The following SMARCD3 variants were observed in gnomAD, a reference collection of about 807,000 sequenced individuals.
SMARCD3 encodes the protein SWI/SNF related BAF chromatin remodeling complex subunit D3.
A neutral mutation model predicts 58.0 loss-of-function variants in SMARCD3; 14 were observed. The ratio of observed to expected loss-of-function variants is 0.24; its 90% CI spans 0.16 to 0.38. SMARCD3 has a LOEUF of 0.38. SMARCD3 is among the 10% of genes least tolerant of loss of function. The pLI is 1.00. For missense variants in SMARCD3, 408 were observed against 636.9 expected (o/e 0.64, Z 3.87); for synonymous variants, 253 against 253.8 (o/e 1.00, Z 0.03).
intron 2 of SMARCD3, among the ~76,000 whole-genome samples, chr7:151,244,567 T>C (rs1277189649): frequency 6.6e-6 from 1 of 152,178 alleles, no homozygotes; most frequent in African/African-American, 2.4e-5. Context: ...AGGTCTGGTT[T>C]GTTTTAAACA....
chr7:151,253,940 C>G (rs1454583880), intron 2 of SMARCD3, among the ~76,000 whole-genome samples: 1 of 151,868 alleles, frequency 6.6e-6, no homozygotes, highest in South Asian at 2.1e-4. Flanking sequence ...ACCATCCTCA[C>G]TCTCCTCTCC....
In SMARCD3 at chr7:151,242,323, G is replaced by A. The variant is rs547950072; in HGVS notation, c.580-91C>T. On this transcript the variant is annotated intron_variant, in intron 5 of 12. Transcript: ENST00000262188. This position sits in a 1 kb window ranked among gnomAD's most constrained non-coding sequence, Gnocchi z 4.7. ...CAAGTTGGCAGCCGACAGGGCAGTGGGCTTAGATGAAATCCTCTGCACTTG... is the reference window on the plus strand; with the variant it reads ...CAAGTTGGCAGCCGACAGGGCAGTGAGCTTAGATGAAATCCTCTGCACTTG... 6.4e-6 allele frequency: 9 copies of A among 1,400,084 alleles called. No individual in the cohort carries two copies. The East Asian group carries it at 2.1e-4, about 32-fold the overall frequency. 86.7% of individuals were successfully genotyped at this position (1,400,084 alleles called of 1,614,324 possible). A position where few individuals can be genotyped will look rare whatever the true frequency, so the allele number is the denominator to read the frequency against.
At position 151,239,017 on chromosome 7, in the gene SMARCD3, C is replaced by G. The variant is rs771929544; in HGVS notation, c.*86G>C. ...AATCCAGCCCCACACCCCAAGGTGGCAGAGGAGTGATGCTGGAGCCCGGGG... is the reference window on the plus strand; with the variant it reads ...AATCCAGCCCCACACCCCAAGGTGGGAGAGGAGTGATGCTGGAGCCCGGGG... On this transcript the variant is annotated 3_prime_UTR_variant, in exon 13 of 13. Coordinates refer to ENST00000262188, the MANE Select transcript of SMARCD3 (RefSeq NM_001003801.2). The surrounding 1 kb of genome is among the most constrained non-coding windows in gnomAD (Gnocchi z 7.0). 6 of 1,342,558 alleles carry G rather than the reference C, an allele frequency of 4.5e-6. No homozygotes were observed. In the African/African-American group the frequency reaches 5.8e-5, roughly 13 times the overall value. 83.2% of individuals were successfully genotyped at this position (1,342,558 alleles called of 1,614,324 possible).
chr7:151,242,717 G>T lies in SMARCD3; in HGVS notation c.456+4C>A, dbSNP rs547891214. On this transcript the variant is annotated splice_donor_region_variant and intron_variant, in intron 4 of 12. Coordinates refer to ENST00000262188, the MANE Select transcript of SMARCD3 (RefSeq NM_001003801.2). The surrounding 1 kb of genome is among the most constrained non-coding windows in gnomAD (Gnocchi z 4.7). Reference sequence around the variant, plus strand: ...GTCCCCTTCCTACCCCCGAACTAAGGCACCTTCATGGGCCTCTTCAGAGCC... The same window carrying T: ...GTCCCCTTCCTACCCCCGAACTAAGTCACCTTCATGGGCCTCTTCAGAGCC... The T allele has an allele frequency of 6.2e-7, 1 of 1,613,990 alleles. No individual in the cohort carries two copies. Among genetic ancestry groups the T allele is most frequent in the South Asian group, 1.1e-5 (1 of 91,074 alleles).
intron 2 of SMARCD3, among the ~76,000 whole-genome samples, chr7:151,269,576 A>G (rs1345811008): frequency 6.6e-6 from 1 of 152,134 alleles, no homozygotes; most frequent in Non-Finnish European, 1.5e-5. Flanking sequence ...GTTGGGGCTG[A>G]CAGATATGGA....
intron 2 of SMARCD3, among the ~76,000 whole-genome samples, chr7:151,273,381 T>C (rs1419369483): frequency 6.6e-6 from 1 of 152,170 alleles, no homozygotes; most frequent in Non-Finnish European, 1.5e-5. Context: ...GGGGAGCCCC[T>C]TAGGGCCTAA....
In SMARCD3 at chr7:151,255,860, C is replaced by T. The variant is rs181675338; in HGVS notation, c.40-10189G>A. 2.3e-3 allele frequency among the ~76,000 whole-genome samples: 357 copies of T among 152,098 alleles called. 2 individuals carry two copies. The highest frequency in any genetic ancestry group is 7.8e-3 in the African/African-American group (322 of 41,502). On this transcript the variant is annotated intron_variant, in intron 2 of 13. Transcript: ENST00000356800. Reference sequence around the variant, plus strand: ...TGACGGTGACACATAACACAATTGACCATTTTAACCTCCCTTGCATGTACT... The same window carrying T: ...TGACGGTGACACATAACACAATTGATCATTTTAACCTCCCTTGCATGTACT...
In SMARCD3 at chr7:151,245,986, G is replaced by C. The variant is rs564955974; in HGVS notation, c.79-315C>G. 3.8e-5 allele frequency: 9 copies of C among 236,702 alleles called. No homozygotes were observed. Among genetic ancestry groups the C allele is most frequent in the Non-Finnish European group, 7.3e-5 (9 of 122,928 alleles). 14.7% of individuals were successfully genotyped at this position (236,702 alleles called of 1,614,324 possible). A position where few individuals can be genotyped will look rare whatever the true frequency, so the allele number is the denominator to read the frequency against. ...TAATGGCGCCTTTCAACCTTTCAAA[G>C]ATGTTCACATCCACATGCTCCTCTG... On this transcript the variant is annotated intron_variant, in intron 1 of 12. Coordinates refer to ENST00000262188, the MANE Select transcript of SMARCD3 (RefSeq NM_001003801.2). This position sits in a 1 kb window ranked among gnomAD's most constrained non-coding sequence, Gnocchi z 6.2.
intron 2 of SMARCD3, among the ~76,000 whole-genome samples, chr7:151,254,036 G>A (rs567357660): frequency 1.6e-4 from 25 of 152,286 alleles, no homozygotes; most frequent in African/African-American, 5.8e-4. Flanking sequence ...CAAGGGGATC[G>A]CATGGCCTCG....
intron 2 of SMARCD3, among the ~76,000 whole-genome samples, chr7:151,270,127 T>C (rs148269316): frequency 6.6e-6 from 1 of 152,314 alleles, no homozygotes; most frequent in East Asian, 1.9e-4. Flanking sequence ...GGTTTCTCCC[T>C]GCAACTCCAA....
In SMARCD3 at chr7:151,243,613, G is replaced by T; in HGVS notation, c.333+46C>A. 1.0e-6 allele frequency: 1 copy of T among 957,114 alleles called. No homozygotes were observed. The highest frequency in any genetic ancestry group is 1.6e-6 in the Non-Finnish European group (1 of 614,156). The allele number at this position is 957,114 out of a possible 1,614,324, so 59.3% of individuals were successfully genotyped here. A position where few individuals can be genotyped will look rare whatever the true frequency, so the allele number is the denominator to read the frequency against. ...TGAGGGGGGAGGGGAGGGCGGAGCA[G>T]CAAAGGGTGGGGGGTGGGCTGGGGG... On this transcript the variant is annotated intron_variant, in intron 3 of 12. Transcript: ENST00000262188. The surrounding 1 kb of genome is among the most constrained non-coding windows in gnomAD (Gnocchi z 4.4).
In SMARCD3 at chr7:151,242,545, G is replaced by C. The variant is rs1803048006; in HGVS notation, c.515C>G (p.Ala172Gly). 1 of 1,613,994 alleles carries C rather than the reference G, an allele frequency of 6.2e-7. No homozygotes were observed. The highest frequency in any genetic ancestry group is 8.5e-7 in the Non-Finnish European group (1 of 1,179,992). Residue 172 changes from alanine (A) to glycine (G), a missense_variant, in exon 5 of 13, where the codon GCT becomes GGT. Physicochemically the swap from Ala to Gly is moderately conservative, Grantham distance 60. Around this residue, in one of 4 missense-constraint regions of SMARCD3, gnomAD observed 128 missense variants for 188.8 expected, o/e 0.68. Coordinates refer to ENST00000262188, the MANE Select transcript of SMARCD3 (RefSeq NM_001003801.2). This position sits in a 1 kb window ranked among gnomAD's most constrained non-coding sequence, Gnocchi z 4.7. ...GGCAATGCTGCCGTCGGAATCCTCA[G>C]CATCAGGCTTCGCAGGGTTAAAAGT... is the stretch of plus-strand genomic sequence containing the variant. ...SNTFNPAKPD[A>G]EDSDGSIASW...
At chr7:151,271,317 G>T (rs894058166) in intron 2 of SMARCD3, among the ~76,000 whole-genome samples, 3 of 152,134 alleles carry the variant, frequency 2.0e-5, no homozygotes, top group African/African-American at 7.2e-5. Flanking sequence ...ATCTCCTTCT[G>T]TTCCCATGCC....
chr7:151,244,588 G>A (rs886066488), intron 2 of SMARCD3, among the ~76,000 whole-genome samples: 4 of 152,206 alleles, frequency 2.6e-5, no homozygotes, highest in East Asian at 1.9e-4. Flanking sequence ...GATTATCTAT[G>A]TGTAACTCTC....
At chr7:151,251,481 A>T (rs1803507866), upstream of SMARCD3, among the ~76,000 whole-genome samples, 1 of 152,294 alleles carries the variant, frequency 6.6e-6, no homozygotes, top group Admixed American at 6.5e-5. Context: ...GGGCGACAGG[A>T]GGAGCCTTCA....
rs977318511 is a variant in SMARCD3 at position 151,241,504 on chromosome 7, C to T, written c.927G>A (p.Lys309=). The T allele has an allele frequency of 6.2e-7, 1 of 1,612,208 alleles. No individual in the cohort carries two copies. The highest frequency in any genetic ancestry group is 1.3e-5 in the African/African-American group (1 of 74,926). Residue 309 remains lysine (K), a synonymous_variant, in exon 8 of 13, where the codon AAG becomes AAA. Transcript: ENST00000262188. The surrounding 1 kb of genome is among the most constrained non-coding windows in gnomAD (Gnocchi z 5.3). The stretch of plus-strand genomic sequence containing the variant: ...GGAGAGAGGTTACCTGCTGGAAATA[C>T]TTGTCCCCATTGATGTATTCCTTGT... ...SHDKEYINGD[K]YFQQIFDCPR...
Position 151,263,073 on chromosome 7 carries a change from T to C in SMARCD3, c.39+12041A>G, listed in dbSNP as rs61453115. ...TTGCGAGTAAAATCCTTAACCCACC[T>C]TATAAGTGGGGAAACTGAGGCCTAA... On this transcript the variant is annotated intron_variant, in intron 2 of 13. Coordinates refer to the SMARCD3 transcript ENST00000356800. 8.3e-3 allele frequency among the ~76,000 whole-genome samples: 1,262 copies of C among 152,182 alleles called. 23 individuals carry two copies. The highest frequency in any genetic ancestry group is 0.029 in the African/African-American group (1,211 of 41,486).
intron 2 of SMARCD3, among the ~76,000 whole-genome samples, chr7:151,265,712 G>A (rs1804058672): frequency 2.0e-5 from 3 of 152,214 alleles, no homozygotes; most frequent in Non-Finnish European, 4.4e-5. Flanking sequence ...CCATTGACAG[G>A]AGGATAAAAG....
intron 2 of SMARCD3, chr7:151,275,053 C>A (rs946596905): frequency 7.0e-7 from 1 of 1,419,866 alleles, no homozygotes. Flanking sequence ...CGAGGGCTGG[C>A]CGACTCGCCA....
Sources: gnomAD v4.1 joint callset for allele counts (sites outside exome capture counted in the v4.1 genomes callset) on GRCh38, gnomAD v4.1.1 for gene constraint, gnomAD v4.1.1 regional missense constraint, Gnocchi (gnomAD v3.1) non-coding constraint, MANE v1.5 for transcripts, NCBI Gene and HGNC (gene_info 2026-07-23, HGNC 2026-07-21) for gene names.